The following PRPF18 variants were observed in gnomAD, a reference collection of about 807,000 sequenced individuals.
The protein encoded by PRPF18 is pre-mRNA processing factor 18, also known as pre-mRNA-splicing factor 18.
Under a neutral mutation model 46.5 loss-of-function variants are expected in PRPF18, and 38 were observed. The ratio of observed to expected loss-of-function variants is 0.82; its 90% CI spans 0.63 to 1.07. The LOEUF (loss-of-function observed/expected upper bound fraction) is 1.07, where lower values mean the gene tolerates loss of function less well. Among genes scored for constraint, PRPF18 ranks in the 50% least tolerant of loss-of-function variants. PRPF18 has a pLI of 0.00. For synonymous variants in PRPF18, 152 were observed against 146.7 expected, an observed-to-expected ratio of 1.04 and a Z score of -0.26; for missense variants, 263 against 410.0, an observed-to-expected ratio of 0.64 and a Z score of 3.10.
downstream of PRPF18, among the ~76,000 whole-genome samples, chr10:13,633,878 G>C (rs2080612028): frequency 6.6e-6 from 1 of 152,196 alleles, no homozygotes; most frequent in South Asian, 2.1e-4. Context: ...CAGAGCGCAA[G>C]AGCCAGCGCC....
At chr10:13,591,361 A>G (rs1025550377) in intron 1 of PRPF18, 1 of 406,030 alleles carries the variant, frequency 2.5e-6, no homozygotes, top group Admixed American at 4.0e-5. Context: ...AAAAAGTTTT[A>G]TGAAATAATT....
chr10:13,651,948 A>C, the PRPF18 span: 1 of 1,595,824 alleles, frequency 6.3e-7, no homozygotes, highest in Non-Finnish European at 8.6e-7. Context: ...AGACCCATCC[A>C]GAATGGGTGA....
intron 2 of PRPF18, 29 bp downstream of exon 2, chr10:13,597,564 G>T (rs367862712): frequency 6.3e-7 from 1 of 1,598,840 alleles, no homozygotes; most frequent in Non-Finnish European, 8.5e-7. Flanking sequence ...ATGTTAAATT[G>T]TACATTTCTG....
the PRPF18 span, chr10:13,639,882 C>A: frequency 6.6e-6 from 1 of 152,230 alleles, no homozygotes; most frequent in Non-Finnish European, 1.5e-5. Context: ...GGAGCTCCCC[C>A]CTTCTATTTG....
rs777057914 is a variant in PRPF18 at position 13,614,105 on chromosome 10, C to G, written c.792+19C>G. 1 of 1,526,710 alleles carries G rather than the reference C, an allele frequency of 6.6e-7. No individual in the cohort carries two copies. The highest frequency in any genetic ancestry group is 8.9e-7 in the Non-Finnish European group (1 of 1,121,892). 94.6% of individuals were successfully genotyped at this position (1,526,710 alleles called of 1,614,324 possible). The stretch of plus-strand genomic sequence containing the variant: ...CGTGAAGGTACATTCCCATGCTGTT[C>G]TTTGAAATTGTTAAGAGTATATCTA... On this transcript the variant is annotated intron_variant, in intron 8 of 9. Transcript: ENST00000378572.
At chr10:13,628,555 C>A (rs2080545046) in intron 9 of PRPF18, among the ~76,000 whole-genome samples, 1 of 151,880 alleles carries the variant, frequency 6.6e-6, no homozygotes, top group South Asian at 2.1e-4. Flanking sequence ...ATTTTTAATT[C>A]TTTTTTTGTT....
intron 5 of PRPF18, 86 bp from the exon 6 acceptor site, chr10:13,611,529 A>G: frequency 9.2e-7 from 1 of 1,082,370 alleles, no homozygotes; most frequent in Non-Finnish European, 1.4e-6. Context: ...TGTGACCAAG[A>G]GCCATGTTTA....
the PRPF18 span, chr10:13,652,262 A>T: frequency 2.2e-6 from 1 of 464,246 alleles, no homozygotes; most frequent in South Asian, 2.5e-5. Flanking sequence ...CTGTTTTTCA[A>T]ATTTGGCTTG....
chr10:13,638,299 C>CTTTTTTTT, the PRPF18 span, among the ~76,000 whole-genome samples: 1 of 125,030 alleles, frequency 8.0e-6, no homozygotes, highest in Non-Finnish European at 1.7e-5. Context: ...CTTGGCTTTT[C>CTTTTTTTT]TTTTTTTTTT....
chr10:13,652,570 C>G, the PRPF18 span: 1 of 153,980 alleles, frequency 6.5e-6, no homozygotes, highest in Non-Finnish European at 1.4e-5. Context: ...GCTGCCTGGC[C>G]AAACAGGTGA....
the PRPF18 span, among the ~76,000 whole-genome samples, chr10:13,638,299 C>CT: frequency 0.35 from 43,601 of 125,052 alleles, 8,253 homozygotes; most frequent in African/African-American, 0.56. Flanking sequence ...CTTGGCTTTT[C>CT]TTTTTTTTTT....
Position 13,614,374 on chromosome 10 carries a change from C to T in PRPF18, c.792+288C>T, listed in dbSNP as rs765290618. Among the ~76,000 whole-genome samples, 3 of 152,252 alleles carry T rather than the reference C, an allele frequency of 2.0e-5. No homozygotes were observed. The Middle Eastern group carries it at 0.01, about 518-fold the overall frequency. ...GCATGAACTTTATATAGGCAGTGTT[C>T]ATTTTATGAATTTCAAAGTTTTGTA... On this transcript the variant is annotated intron_variant, in intron 8 of 9. Transcript: ENST00000378572.
chr10:13,606,585 A>ATT, intron 4 of PRPF18, among the ~76,000 whole-genome samples: 1 of 151,978 alleles, frequency 6.6e-6, no homozygotes, highest in African/African-American at 2.4e-5. Flanking sequence ...AAATACAAAA[A>ATT]TTAGCTGGGC....
At chr10:13,605,502 A>G (rs1301233761) in intron 3 of PRPF18, 129 bp from the exon 4 acceptor site, 1 of 975,900 alleles carries the variant, frequency 1.0e-6, no homozygotes, top group Non-Finnish European at 1.4e-6. Flanking sequence ...GAATCGCTTG[A>G]ACCTGGGAGG....
chr10:13,633,907 A>G (rs929293717), downstream of PRPF18, among the ~76,000 whole-genome samples: 1 of 152,220 alleles, frequency 6.6e-6, no homozygotes, highest in Non-Finnish European at 1.5e-5. Context: ...GAGGGTTGCT[A>G]TGGGAACACT....
At chr10:13,626,307 C>T (rs938557938) in intron 9 of PRPF18, among the ~76,000 whole-genome samples, 1 of 152,110 alleles carries the variant, frequency 6.6e-6, no homozygotes. Flanking sequence ...CTTATATTCC[C>T]TGGCATGTCT....
the PRPF18 span, chr10:13,647,747 T>TTAAG: frequency 2.9e-4 from 44 of 151,014 alleles, no homozygotes; most frequent in East Asian, 8.0e-3. Context: ...TTTTTTTTTT[T>TTAAG]TAAGTATTTT....
chr10:13,640,724 C>T, the PRPF18 span: 3 of 152,534 alleles, frequency 2.0e-5, no homozygotes, highest in Non-Finnish European at 2.9e-5. Context: ...CTTCCAGTCC[C>T]TTTTACTCTC....
At chr10:13,614,215 TA>T (rs2080308568) in intron 8 of PRPF18, 129 bp downstream of exon 8, 2 of 707,868 alleles carry the variant, frequency 2.8e-6, no homozygotes, top group Non-Finnish European at 4.4e-6. Flanking sequence ...GAGTTAGTAG[TA>T]AAAAGCGTTT....
Sources: gnomAD v4.1 joint callset for allele counts (sites outside exome capture counted in the v4.1 genomes callset) on GRCh38, gnomAD v4.1.1 for gene constraint, MANE v1.5 for transcripts, NCBI Gene and HGNC (gene_info 2026-07-23, HGNC 2026-07-21) for gene names.